Variants in CD44 observed in about 807,000 individuals in gnomAD.
The protein encoded by CD44 is CD44 molecule (IN blood group), also known as CD44 antigen.
Under a neutral mutation model 88.8 loss-of-function variants are expected in CD44, and 49 were observed. The observed-to-expected ratio is 0.55, with a 90% confidence interval of 0.44 to 0.70. CD44 has a LOEUF of 0.70. Among genes scored for constraint, CD44 ranks in the 30% least tolerant of loss-of-function variants. CD44 has a pLI of 0.00. For missense variants in CD44, 883 were observed against 913.8 expected, an observed-to-expected ratio of 0.97 and a Z score of 0.43; for synonymous variants, 325 against 312.3, an observed-to-expected ratio of 1.04 and a Z score of -0.43.
intron 11 of CD44, among the ~76,000 whole-genome samples, chr11:35,206,662 G>C (rs945671792): frequency 7.2e-5 from 6 of 83,396 alleles, no homozygotes; most frequent in East Asian, 2.0e-3. Flanking sequence ...TGGGTGGTGG[G>C]GGTTGGTGGG....
At chr11:35,204,773 G>T (rs1947668327) in intron 10 of CD44, 133 bp downstream of exon 10, 1 of 810,528 alleles carries the variant, frequency 1.2e-6, no homozygotes. Context: ...AAATTATGCT[G>T]CAGTTCACAC....
chr11:35,159,872 GTTC>G (rs1565030904), intron 1 of CD44, among the ~76,000 whole-genome samples: 1 of 152,162 alleles, frequency 6.6e-6, no homozygotes, highest in East Asian at 1.9e-4. Flanking sequence ...GATTAATCCT[GTTC>G]TTCTGTCCCT....
At chr11:35,212,151 T>C (rs1020211804) in intron 14 of CD44, among the ~76,000 whole-genome samples, 3 of 152,182 alleles carry the variant, frequency 2.0e-5, no homozygotes, top group African/African-American at 7.2e-5. Flanking sequence ...TCTCTGCTTC[T>C]GCTTTTCTTT....
chr11:35,187,913 C>T (rs1186708166), intron 4 of CD44, among the ~76,000 whole-genome samples: 1 of 152,156 alleles, frequency 6.6e-6, no homozygotes, highest in Non-Finnish European at 1.5e-5. Context: ...CTATGTTGTC[C>T]AGGCTGGTCT....
chr11:35,170,965 T>A (rs1943809235), intron 1 of CD44, among the ~76,000 whole-genome samples: 1 of 152,224 alleles, frequency 6.6e-6, no homozygotes, highest in Non-Finnish European at 1.5e-5. Context: ...CCTCTCTGTG[T>A]GTTAGTTTCT....
rs140184039 is a variant in CD44 at position 35,222,374 on chromosome 11, G to A, written c.2024+642G>A. ...CATTTTCTATTTTCTGGGAACTGTA[G>A]TTGAAGAGATTCAGGTTATAGCATA... On this transcript the variant is annotated intron_variant, in intron 17 of 17. Coordinates refer to ENST00000428726, the MANE Select transcript of CD44 (RefSeq NM_000610.4). The A allele has an allele frequency of 0.011, 14,404 of 1,282,278 alleles. 122 individuals carry two copies. The highest frequency in any genetic ancestry group is 0.014 in the South Asian group (1,113 of 80,176). 79.4% of individuals were successfully genotyped at this position (1,282,278 alleles called of 1,614,324 possible). A position where few individuals can be genotyped will look rare whatever the true frequency, so the allele number is the denominator to read the frequency against.
At chr11:35,151,336 G>A (rs571264436) in intron 1 of CD44, among the ~76,000 whole-genome samples, 3 of 152,236 alleles carry the variant, frequency 2.0e-5, no homozygotes, top group African/African-American at 7.2e-5. Context: ...TTCTGCCCCA[G>A]AAACTCAGAA....
rs962265363 is a variant in CD44, at chr11:35,139,354, G to A, written c.51G>A (p.Leu17=). The stretch of plus-strand genomic sequence containing the variant: ...CCTGGGGACTCTGCCTCGTGCCGCT[G>A]AGCCTGGCGCAGATCGGTGAGTGCC... ...HAAWGLCLVP[L]SLAQIDLNIT... Residue 17 remains leucine, a synonymous_variant, in exon 1 of 18, where the codon CTG becomes CTA. Coordinates refer to ENST00000428726, the MANE Select transcript of CD44 (RefSeq NM_000610.4). 1.9e-6 allele frequency: 3 copies of A among 1,560,696 alleles called. No homozygotes were observed. The highest frequency in any genetic ancestry group is 2.6e-6 in the Non-Finnish European group (3 of 1,151,974).
At chr11:35,156,838 G>A (rs544084259) in intron 1 of CD44, among the ~76,000 whole-genome samples, 1 of 152,306 alleles carries the variant, frequency 6.6e-6, no homozygotes, top group African/African-American at 2.4e-5. Flanking sequence ...TGCAGAGGTT[G>A]CTGGGCAACA....
At chr11:35,170,252 G>C (rs1943728469) in intron 1 of CD44, among the ~76,000 whole-genome samples, 1 of 152,192 alleles carries the variant, frequency 6.6e-6, no homozygotes, top group Admixed American at 6.5e-5. Flanking sequence ...ATTGAACCAG[G>C]TTTGAGGAGG....
At chr11:35,160,248 T>A (rs1942430678) in intron 1 of CD44, among the ~76,000 whole-genome samples, 1 of 152,222 alleles carries the variant, frequency 6.6e-6, no homozygotes, top group South Asian at 2.1e-4. Context: ...TTAGGAGGCT[T>A]CTCTCTAAGG....
chr11:35,144,467 C>T (rs574305271), intron 1 of CD44, among the ~76,000 whole-genome samples: 5 of 152,316 alleles, frequency 3.3e-5, no homozygotes, highest in East Asian at 3.9e-4. Context: ...AGGTTGTAGG[C>T]GTTCTTTAGA....
chr11:35,160,481 T>G (rs1166520380), intron 1 of CD44, among the ~76,000 whole-genome samples: 1 of 152,126 alleles, frequency 6.6e-6, no homozygotes, highest in African/African-American at 2.4e-5. Flanking sequence ...GACACCAGAG[T>G]GAAATGCCAT....
At chr11:35,166,368 C>T (rs948849730) in intron 1 of CD44, among the ~76,000 whole-genome samples, 1 of 152,250 alleles carries the variant, frequency 6.6e-6, no homozygotes, top group Non-Finnish European at 1.5e-5. Flanking sequence ...CAGAAAGACT[C>T]TGTTGGATCC....
intron 13 of CD44, among the ~76,000 whole-genome samples, chr11:35,211,044 C>T (rs1948343659): frequency 6.6e-6 from 1 of 152,238 alleles, no homozygotes; most frequent in Non-Finnish European, 1.5e-5. Context: ...TCACCAAAAT[C>T]TCTTCTGTTG....
intron 1 of CD44, among the ~76,000 whole-genome samples, chr11:35,160,212 G>A (rs920969383): frequency 1.3e-5 from 2 of 152,146 alleles, no homozygotes; most frequent in East Asian, 3.8e-4. Context: ...TTTATTGCAG[G>A]GATCACTGGG....
chr11:35,164,413 T>G (rs1166622791), intron 1 of CD44, among the ~76,000 whole-genome samples: 2 of 152,184 alleles, frequency 1.3e-5, no homozygotes, highest in African/African-American at 4.8e-5. Flanking sequence ...CTGACACAAA[T>G]TAGCAGCTCC....
rs1022177635 is a variant in CD44, at chr11:35,210,129, T to C, written c.1606+75T>C. 3.8e-6 allele frequency: 3 copies of C among 785,488 alleles called. No individual in the cohort carries two copies. The African/African-American group carries it at 5.5e-5, about 14-fold the overall frequency. The allele number at this position is 785,488 out of a possible 1,614,324, so 48.7% of individuals were successfully genotyped here. On this transcript the variant is annotated intron_variant, in intron 13 of 17. Transcript: ENST00000428726. ...AATTATGGGTACTTTTGCAGTGTCTTTGGTGGAGGTGCATCCATTAGCTGC... is the reference window on the plus strand; with the variant it reads ...AATTATGGGTACTTTTGCAGTGTCTCTGGTGGAGGTGCATCCATTAGCTGC...
intron 4 of CD44, among the ~76,000 whole-genome samples, chr11:35,189,155 C>T (rs1374769288): frequency 6.6e-6 from 1 of 152,136 alleles, no homozygotes; most frequent in African/African-American, 2.4e-5. Flanking sequence ...TTTGTTGAAA[C>T]CACAGATGTT....
Sources: allele counts gnomAD v4.1 joint callset (sites outside exome capture counted in the v4.1 genomes callset), GRCh38; gene constraint gnomAD v4.1.1; transcripts MANE v1.5; gene names NCBI Gene and HGNC (gene_info 2026-07-23, HGNC 2026-07-21).